HID1: variants seen among roughly 807,000 people sequenced by gnomAD.
HID1 encodes HID1 domain containing, also known as protein HID1.
In HID1, 42 loss-of-function variants were observed where a neutral mutation model predicts 89.7. The ratio of observed to expected loss-of-function variants is 0.47; its 90% CI spans 0.37 to 0.61. The LOEUF is 0.61. HID1 is among the 20% of genes least tolerant of loss of function. The pLI is 0.00. For missense variants in HID1, 854 were observed against 1,039.3 expected (o/e 0.82, Z 2.45); for synonymous variants, 442 against 433.8 (o/e 1.02, Z -0.24).
chr17:74,957,213 C>T (rs920271116), intron 12 of HID1, among the ~76,000 whole-genome samples: 2 of 152,024 alleles, frequency 1.3e-5, no homozygotes, highest in Non-Finnish European at 2.9e-5. Context: ...GTGGTTCACA[C>T]CTGTAACCCC....
rs561895999 is a variant in HID1 at position 74,958,052 on chromosome 17, G to C, written c.1471+89C>G. Reference sequence around the variant, plus strand: ...TTGCGTTCTTTCTGTGGGCTGGAGGGGCTTGAAACCTGGAGCAAGTGGCAG... The same window carrying C: ...TTGCGTTCTTTCTGTGGGCTGGAGGCGCTTGAAACCTGGAGCAAGTGGCAG... On this transcript the variant is annotated intron_variant, in intron 12 of 18. Transcript: ENST00000425042. The surrounding 1 kb of genome is among the most constrained non-coding windows in gnomAD (Gnocchi z 5.2). The C allele has an allele frequency of 5.3e-5, 63 of 1,196,994 alleles. No homozygotes were observed. Among genetic ancestry groups the C allele is most frequent in the Non-Finnish European group, 7.2e-5 (60 of 835,042 alleles). 74.1% of individuals were successfully genotyped at this position (1,196,994 alleles called of 1,614,324 possible).
At position 74,951,160 on chromosome 17, in the gene HID1, G is replaced by C; in HGVS notation, c.*410C>G. 1 of 190,914 alleles carries C rather than the reference G, an allele frequency of 5.2e-6. No homozygotes were observed. Among genetic ancestry groups the C allele is most frequent in the South Asian group, 1.4e-4 (1 of 7,158 alleles). 11.8% of individuals were successfully genotyped at this position (190,914 alleles called of 1,614,324 possible). ...GAGGCTGGAAGCACCCCCTTACCCT[G>C]TCCAGGCACCTCAAGGGACAGCCCG... On this transcript the variant is annotated 3_prime_UTR_variant, in exon 19 of 19. Transcript: ENST00000425042.
In HID1 at chr17:74,964,873, A is replaced by G. The variant is rs376512825; in HGVS notation, c.67-241T>C. On this transcript the variant is annotated intron_variant, in intron 1 of 18. Coordinates refer to ENST00000425042, the MANE Select transcript of HID1 (RefSeq NM_030630.3). ...GGGTCAGCTAGGCACAGAGTCAGCC[A>G]AAGCCCAACGCCACCCCTGAGGAGG... Among the ~76,000 whole-genome samples the G allele has an allele frequency of 9.1e-4, 139 of 152,304 alleles. 2 individuals carry two copies. Among genetic ancestry groups the G allele is most frequent in the African/African-American group, 3.3e-3 (137 of 41,566 alleles).
chr17:74,972,533 C>T lies in HID1; in HGVS notation c.66+58G>A. 2 of 1,472,020 alleles carry T rather than the reference C, an allele frequency of 1.4e-6. No homozygotes were observed. The highest frequency in any genetic ancestry group is 1.8e-6 in the Non-Finnish European group (2 of 1,084,092). The allele number at this position is 1,472,020 out of a possible 1,614,324, so 91.2% of individuals were successfully genotyped here. A position where few individuals can be genotyped will look rare whatever the true frequency, so the allele number is the denominator to read the frequency against. On this transcript the variant is annotated intron_variant, in intron 1 of 18. Transcript: ENST00000425042. This position sits in a 1 kb window ranked among gnomAD's most constrained non-coding sequence, Gnocchi z 6.4. ...ACGAGCCAAGTTCGCGTACCCCCGGCCCTGCCCAGCCCCCAGCCCGGCAGG... is the reference window on the plus strand; with the variant it reads ...ACGAGCCAAGTTCGCGTACCCCCGGTCCTGCCCAGCCCCCAGCCCGGCAGG...
At chr17:74,955,480 G>T (rs1371440585) in intron 13 of HID1, among the ~76,000 whole-genome samples, 1 of 146,086 alleles carries the variant, frequency 6.8e-6, no homozygotes, top group Non-Finnish European at 1.5e-5. Context: ...CAGCCTGGGC[G>T]ACAGAGTGAG....
intron 15 of HID1, 28 bp downstream of exon 15, chr17:74,953,517 C>A (rs1292848209): frequency 2.5e-6 from 4 of 1,594,484 alleles, no homozygotes; most frequent in Non-Finnish European, 8.6e-7. Context: ...GCCAGCCACG[C>A]CCGGCTCCAG....
intron 1 of HID1, among the ~76,000 whole-genome samples, chr17:74,968,644 T>C (rs1257690233): frequency 1.3e-5 from 2 of 152,102 alleles, no homozygotes; most frequent in Admixed American, 6.5e-5. Flanking sequence ...TGGCACTCCC[T>C]GGAGCGCAGG....
chr17:74,964,480 C>A lies in HID1; in HGVS notation c.216+3G>T, dbSNP rs1287434613. ...GTAGCAGGAGGGACTGGGCAGCCCT[C>A]ACCTTGTAGCACAGGGTGGCCAAGT... On this transcript the variant is annotated splice_donor_region_variant and intron_variant, in intron 2 of 18. Transcript: ENST00000425042. 1.2e-6 allele frequency: 2 copies of A among 1,608,252 alleles called. No individual in the cohort carries two copies. Among genetic ancestry groups the A allele is most frequent in the Admixed American group, 3.4e-5 (2 of 59,256 alleles).
intron 12 of HID1, among the ~76,000 whole-genome samples, 191 bp from the exon 13 acceptor site, chr17:74,956,147 GCCCCACCCTCACCCCTCGAC>G (rs961838249): frequency 1.3e-5 from 2 of 152,086 alleles, no homozygotes; most frequent in African/African-American, 4.8e-5. Flanking sequence ...AGGCAGTTAG[GCCCCACCCTCACCCCTCGAC>G]CATGAAGACA....
chr17:74,952,672 A>G (rs972657625), intron 16 of HID1, among the ~76,000 whole-genome samples: 4 of 152,220 alleles, frequency 2.6e-5, no homozygotes, highest in African/African-American at 9.6e-5. Context: ...CTCAGGAGAC[A>G]CAGGGCGTGG....
chr17:74,953,476 C>T, intron 15 of HID1, 69 bp downstream of exon 15: 1 of 1,321,064 alleles, frequency 7.6e-7, no homozygotes, highest in African/African-American at 1.4e-5. Flanking sequence ...CGGCCCAGCC[C>T]CTACTGCAGA....
intron 13 of HID1, 121 bp from the exon 14 acceptor site, chr17:74,954,486 G>A: frequency 6.6e-7 from 1 of 1,517,160 alleles, no homozygotes; most frequent in Non-Finnish European, 8.8e-7. Flanking sequence ...CAAGGGGTTG[G>A]AGATGGTACA....
chr17:74,952,807 A>G (rs904143262), intron 16 of HID1, among the ~76,000 whole-genome samples, 199 bp downstream of exon 16: 5 of 152,234 alleles, frequency 3.3e-5, no homozygotes, highest in Non-Finnish European at 5.9e-5. Flanking sequence ...CAACCGAGCC[A>G]GAGAGGCTGA....
At chr17:74,951,879 ACAC>A (rs1251117972) in intron 18 of HID1, 23 bp downstream of exon 18, 1 of 1,489,636 alleles carries the variant, frequency 6.7e-7, no homozygotes, top group South Asian at 1.4e-5. Flanking sequence ...TCTCAGGTGG[ACAC>A]CACCCCACTC....
At chr17:74,954,488 G>A in intron 13 of HID1, 123 bp from the exon 14 acceptor site, 4 of 1,510,024 alleles carry the variant, frequency 2.6e-6, no homozygotes, top group Non-Finnish European at 3.5e-6. Flanking sequence ...AGGGGTTGGA[G>A]ATGGTACAGG....
In HID1 at chr17:74,961,883, T is replaced by C; in HGVS notation, c.718A>G (p.Thr240Ala). The change falls in exon 6 of 19, where the codon ACG becomes GCG. Residue 240 changes from threonine to alanine, a missense_variant. Coordinates refer to ENST00000425042, the MANE Select transcript of HID1 (RefSeq NM_030630.3). ...TNPWVQFFCS[T>A]ENRHALPLFT... ...CCAAGGGCCCTTCACCTGTTCTCCG[T>C]GGAACAAAAGAACTGAACCCATGGG... 1 of 1,572,096 alleles carries C rather than the reference T, an allele frequency of 6.4e-7. No homozygotes were observed. Among genetic ancestry groups the C allele is most frequent in the Non-Finnish European group, 8.6e-7 (1 of 1,158,038 alleles).
chr17:74,958,928 G>A lies in HID1; in HGVS notation c.1132C>T (p.Leu378Phe). ...TGGCCCACCTTGTTGAAGTCGCAGA[G>A]CTTCCAGAAGAGAACTAGCAGCTCC... Reference protein sequence around the residue: ...HQELLVLFWKLCDFNKKFLFF... With the variant: ...HQELLVLFWKFCDFNKKFLFF... Residue 378 changes from leucine (L) to phenylalanine (F), a missense_variant, in exon 9 of 19, where the codon CTC becomes TTC. By Grantham distance (22) the Leu-to-Phe change is conservative. Transcript: ENST00000425042. The surrounding 1 kb of genome is among the most constrained non-coding windows in gnomAD (Gnocchi z 5.2). 6.3e-7 allele frequency: 1 copy of A among 1,597,254 alleles called. No homozygotes were observed.
At chr17:74,955,033 TTCCCA>T in intron 13 of HID1, 1 of 157,344 alleles carries the variant, frequency 6.4e-6, no homozygotes, top group Admixed American at 6.0e-5. Context: ...TTGCCCCATC[TTCCCA>T]ACACCTTCTG....
chr17:74,951,264 G>T lies in HID1; in HGVS notation c.*306C>A. ...GGGGCTGGGTAGCACAGGAGTGGGT[G>T]GGCACTGAGGGGCCAGCACTGAGCC... On this transcript the variant is annotated 3_prime_UTR_variant, in exon 19 of 19. Coordinates refer to ENST00000425042, the MANE Select transcript of HID1 (RefSeq NM_030630.3). 2.2e-6 allele frequency: 1 copy of T among 457,692 alleles called. No individual in the cohort carries two copies. Among genetic ancestry groups the T allele is most frequent in the Admixed American group, 3.7e-5 (1 of 26,682 alleles). 28.4% of individuals were successfully genotyped at this position (457,692 alleles called of 1,614,324 possible). A position where few individuals can be genotyped will look rare whatever the true frequency, so the allele number is the denominator to read the frequency against.
Sources: allele counts gnomAD v4.1 joint callset (sites outside exome capture counted in the v4.1 genomes callset), GRCh38; gene constraint gnomAD v4.1.1; non-coding constraint Gnocchi (gnomAD v3.1); transcripts MANE v1.5; gene names NCBI Gene and HGNC (gene_info 2026-07-23, HGNC 2026-07-21).